The following HELZ2 variants were observed in gnomAD, a reference collection of about 807,000 sequenced individuals.
HELZ2 encodes the protein helicase with zinc finger 2.
In HELZ2, 143 loss-of-function variants were observed where a neutral mutation model predicts 208.8. That is an observed-to-expected ratio of 0.68 (90% CI 0.60 to 0.79). The LOEUF (loss-of-function observed/expected upper bound fraction) is 0.79. Among genes scored for constraint, HELZ2 ranks in the 30% least tolerant of loss-of-function variants. The pLI is 0.00. For synonymous variants in HELZ2, 1,705 were observed against 1,693.7 expected (o/e 1.01, Z -0.16); for missense variants, 3,690 against 3,794.5 (o/e 0.97, Z 0.72).
chr20:63,564,979 G>A (rs756684900), exon 8 of HELZ2: 1 of 1,603,548 alleles, frequency 6.2e-7, no homozygotes, highest in South Asian at 1.1e-5. Flanking sequence ...CCCGGACGAT[G>A]CCCAGCGGGT....
At chr20:63,568,840 G>A in exon 5 of HELZ2, 1 of 1,612,268 alleles carries the variant, frequency 6.2e-7, no homozygotes, top group Non-Finnish European at 8.5e-7. Context: ...CCAGGGCTGT[G>A]CTGACCGCCC....
At chr20:63,573,155 G>C (rs1465707077), upstream of HELZ2, 1 of 152,262 alleles carries the variant, frequency 6.6e-6, no homozygotes, top group Admixed American at 6.5e-5. The surrounding 1 kb of genome is among the most constrained non-coding windows in gnomAD (Gnocchi z 4.9). Flanking sequence ...TCTCCAGGGA[G>C]GCGTCTGAGG....
At position 63,561,338 on chromosome 20, in the gene HELZ2, C is replaced by T. The variant is rs550159367; in HGVS notation, c.6953+12G>A. 62 of 1,612,688 alleles carry T rather than the reference C, an allele frequency of 3.8e-5. No homozygotes were observed. The highest frequency in any genetic ancestry group is 5.1e-5 in the Non-Finnish European group (60 of 1,179,828). ...CTGCAGGCAGCTCCACCCCCTGGCC[C>T]CTGCCACTTACCAGACCAGGTCCTC... On this transcript the variant is annotated intron_variant, in intron 13 of 18. Transcript: ENST00000467148.
At chr20:63,558,633 G>T (rs1279761118), downstream of HELZ2, 1 of 152,334 alleles carries the variant, frequency 6.6e-6, no homozygotes, top group East Asian at 1.9e-4. Context: ...GCGCCTCCTG[G>T]AGTCAAGCGA....
chr20:63,560,019 C>T (rs1331609379), exon 18 of HELZ2: 2 of 1,612,034 alleles, frequency 1.2e-6, no homozygotes, highest in South Asian at 1.1e-5. Flanking sequence ...TGAGCCAGCT[C>T]TTGGTGGGCC....
At chr20:63,560,293 G>T in exon 17 of HELZ2, 2 of 1,559,698 alleles carry the variant, frequency 1.3e-6, no homozygotes, top group East Asian at 2.3e-5. Flanking sequence ...GGGCTCTACG[G>T]TCCTCCCCAG....
At chr20:63,571,039 T>C (rs1182893303) in intron 1 of HELZ2, 171 bp from the exon 3 acceptor site, 5 of 573,546 alleles carry the variant, frequency 8.7e-6, no homozygotes, top group East Asian at 2.8e-5. Context: ...TTCCCAAACA[T>C]GAACCTCCCT....
intron 14 of HELZ2, 39 bp from the exon 16 acceptor site, chr20:63,560,968 C>A: frequency 6.2e-7 from 1 of 1,604,666 alleles, no homozygotes; most frequent in Non-Finnish European, 8.5e-7. Context: ...CACCCCTAGA[C>A]CCAGAGGGAC....
rs1157353139 is a variant in HELZ2, at chr20:63,570,719, G to A, written c.428C>T (p.Ala143Val). 8 of 1,601,562 alleles carry A rather than the reference G, an allele frequency of 5.0e-6. No homozygotes were observed. In the African/African-American group the frequency reaches 1.1e-4, roughly 22 times the overall value. ...CTCACTGCTGCTGCGCTGGTACTCG[G>A]CCAGCAGCCGCTCCTGGTAGGGCAC... is the stretch of plus-strand genomic sequence containing the variant. Residue 143 changes from alanine (A) to valine (V), a missense_variant, in exon 2 of 19, where the codon GCC becomes GTC. Physicochemically the swap from Ala to Val is moderately conservative, Grantham distance 64. Coordinates refer to ENST00000467148, the Ensembl canonical transcript of HELZ2.
rs979193169 is a variant in HELZ2, at chr20:63,563,447, C to T, written c.5375G>A (p.Arg1792Gln). ...GTAGACACGGCGCCGCCACAGGAGC[C>T]GCAGGCCCGGCCGGCCTGCCAGGGC... Residue 1792 changes from arginine (R) to glutamine (Q), a missense_variant, in exon 8 of 19, where the codon CGG becomes CAG. Coordinates refer to ENST00000467148, the Ensembl canonical transcript of HELZ2. 74 of 1,528,090 alleles carry T rather than the reference C, an allele frequency of 4.8e-5. No individual in the cohort carries two copies. The highest frequency in any genetic ancestry group is 5.6e-5 in the Non-Finnish European group (64 of 1,142,418). The allele number at this position is 1,528,090 out of a possible 1,614,324, so 94.7% of individuals were successfully genotyped here.
chr20:63,561,195 C>G, exon 14 of HELZ2: 1 of 1,613,050 alleles, frequency 6.2e-7, no homozygotes, highest in Non-Finnish European at 8.5e-7. Flanking sequence ...CTGGCAGAGG[C>G]TGCACAGGAG....
Position 63,568,954 on chromosome 20 carries a change from C to T in HELZ2, c.1134G>A (p.Thr378=), listed in dbSNP as rs150189701. 314 of 1,605,554 alleles carry T rather than the reference C, an allele frequency of 2.0e-4. 2 individuals are homozygous for T. In the African/African-American group the frequency reaches 2.7e-3, roughly 14 times the overall value. ...GCGCGAAGAGCATGTTCAGCGCTGG[C>T]GTCTGCAATGCCGTCTTCAGGAACA... Residue 378 remains threonine (T), a synonymous_variant, in exon 5 of 19, where the codon ACG becomes ACA. Coordinates refer to ENST00000467148, the Ensembl canonical transcript of HELZ2.
chr20:63,559,402 C>T, intron 18 of HELZ2, 32 bp from the exon 20 acceptor site: 1 of 1,523,086 alleles, frequency 6.6e-7, no homozygotes, highest in African/African-American at 1.4e-5. Context: ...GGGAGTCAGT[C>T]AGGGTCAGGT....
exon 11 of HELZ2, chr20:63,561,955 T>A (rs369662922): frequency 6.3e-7 from 1 of 1,599,996 alleles, no homozygotes; most frequent in Non-Finnish European, 8.5e-7. Context: ...CAGAATACGA[T>A]GTGGAGGCCC....
exon 16 of HELZ2, chr20:63,560,674 G>A: frequency 1.9e-6 from 3 of 1,609,166 alleles, no homozygotes; most frequent in Non-Finnish European, 2.5e-6. Context: ...ACGCCACAGA[G>A]GGGAAGGCAC....
chr20:63,570,309 G>C, intron 3 of HELZ2, 195 bp downstream of exon 4: 1 of 708,594 alleles, frequency 1.4e-6, no homozygotes, highest in South Asian at 1.5e-5. Context: ...TGCCAAGGTG[G>C]GACTGTCCTG....
intron 2 of HELZ2, 24 bp from the exon 4 acceptor site, chr20:63,570,635 C>G: frequency 6.2e-7 from 1 of 1,600,304 alleles, no homozygotes. Context: ...TAGCCTTCAG[C>G]AAGAGGCCTG....
Position 63,565,608 on chromosome 20 carries a change from C to T in HELZ2, c.3214G>A (p.Asp1072Asn), listed in dbSNP as rs539347211. 135 of 1,610,316 alleles carry T rather than the reference C, an allele frequency of 8.4e-5. No homozygotes were observed. The South Asian group carries it at 1.1e-3, about 13-fold the overall frequency. The change falls in exon 8 of 19, where the codon GAC becomes AAC. Residue 1072 changes from aspartate (D) to asparagine (N), a missense_variant. This residue lies in a region of HELZ2 where 2,564 missense variants were observed against 2,580.5 expected (regional missense o/e 0.99). Transcript: ENST00000467148. ...TCCAGAAGCTCCCGTAGGATGGCGT[C>T]GTCAGCGTTGAGCTCCCCGTCCCAC...
chr20:63,560,917 C>T (rs747772820), exon 15 of HELZ2: 6 of 1,612,858 alleles, frequency 3.7e-6, no homozygotes, highest in South Asian at 1.1e-5. Context: ...TTGTGGTCTC[C>T]GAGAAGAACC....
Sources: gnomAD v4.1 joint callset for allele counts on GRCh38, gnomAD v4.1.1 for gene constraint, gnomAD v4.1.1 regional missense constraint, Gnocchi (gnomAD v3.1) non-coding constraint, MANE v1.5 for transcripts, NCBI Gene and HGNC (gene_info 2026-07-23, HGNC 2026-07-21) for gene names.